Variants in SLC4A11 observed in about 807,000 individuals in gnomAD.
SLC4A11 encodes solute carrier family 4 member 11, also known as bicarbonate transporter related protein 1.
A neutral mutation model predicts 95.0 loss-of-function variants in SLC4A11; 74 were observed. The ratio of observed to expected loss-of-function variants is 0.78; its 90% confidence interval spans 0.65 to 0.95. SLC4A11 has a LOEUF of 0.95. Ranked by LOEUF, SLC4A11 falls within the 40% of genes least tolerant of loss-of-function variation. The pLI is 0.00. For missense variants in SLC4A11, 1,081 were observed against 1,192.4 expected (o/e 0.91, Z 1.38); for synonymous variants, 548 against 519.0 (o/e 1.06, Z -0.76).
At position 3,234,013 on chromosome 20, in the gene SLC4A11, A is replaced by C. The variant is rs1246720673; in HGVS notation, c.524-11T>G. ...CTGACAGCAGGTGGACTGAGGAAAGAGTGAGGGGGAGGGTGGTGGGTCAAC... is the reference window on the plus strand; with the variant it reads ...CTGACAGCAGGTGGACTGAGGAAAGCGTGAGGGGGAGGGTGGTGGGTCAAC... On this transcript the variant is annotated splice_polypyrimidine_tract_variant and intron_variant, in intron 5 of 19. Transcript: ENST00000642402. This position sits in a 1 kb window ranked among gnomAD's most constrained non-coding sequence, Gnocchi z 5.8. 2.5e-6 allele frequency: 4 copies of C among 1,612,702 alleles called. No homozygotes were observed. Among genetic ancestry groups the C allele is most frequent in the Non-Finnish European group, 3.4e-6 (4 of 1,179,352 alleles).
In SLC4A11 at chr20:3,228,853, C is replaced by T. The variant is rs778664349; in HGVS notation, c.2177G>A (p.Gly726Glu). ...TCACACTCACGTGTCATAGATGTGT[C>T]CGTTCTCCACACGCTCCTCCACTAA... The part of the protein sequence containing the change: ...LALVEERVEN[G>E]HIYDTIVNVK... The change falls in exon 17 of 20, where the codon GGA becomes GAA. Residue 726 changes from glycine (G) to glutamate (E), a missense_variant. Transcript: ENST00000642402. The T allele has an allele frequency of 6.2e-7, 1 of 1,613,838 alleles. No homozygotes were observed. Among genetic ancestry groups the T allele is most frequent in the Non-Finnish European group, 8.5e-7 (1 of 1,180,034 alleles).
At chr20:3,239,220 C>A (rs1276426676), upstream of SLC4A11, 17 of 1,317,496 alleles carry the variant, frequency 1.3e-5, no homozygotes, top group South Asian at 2.3e-4. Flanking sequence ...TCGGGCGGGC[C>A]GGCGGCGGGA....
chr20:3,227,920 C>G, intron 19 of SLC4A11, 64 bp from the exon 20 acceptor site: 1 of 1,414,730 alleles, frequency 7.1e-7, no homozygotes, highest in Non-Finnish European at 9.7e-7. Flanking sequence ...ACACCCATCC[C>G]AGCCCACCCC....
In SLC4A11 at chr20:3,227,442, T is replaced by G. The variant is rs1427002214; in HGVS notation, c.*345A>C. Reference sequence around the variant, plus strand: ...TAGGAGCCTAGAAACAGGAGCTTTATTCTCTAATGTGCGTCCAGCAAGTTC... The same window carrying G: ...TAGGAGCCTAGAAACAGGAGCTTTAGTCTCTAATGTGCGTCCAGCAAGTTC... On this transcript the variant is annotated 3_prime_UTR_variant, in exon 20 of 20. Transcript: ENST00000642402. 1 of 332,558 alleles carries G rather than the reference T, an allele frequency of 3.0e-6. No homozygotes were observed. The highest frequency in any genetic ancestry group is 5.8e-6 in the Non-Finnish European group (1 of 172,114). The allele number at this position is 332,558 out of a possible 1,614,324, so 20.6% of individuals were successfully genotyped here. A position where few individuals can be genotyped will look rare whatever the true frequency, so the allele number is the denominator to read the frequency against.
chr20:3,230,960 T>A lies in SLC4A11; in HGVS notation c.1141A>T (p.Asn381Tyr). 6.2e-7 allele frequency: 1 copy of A among 1,613,668 alleles called. No homozygotes were observed. The highest frequency in any genetic ancestry group is 8.5e-7 in the Non-Finnish European group (1 of 1,179,898). Residue 381 changes from asparagine to tyrosine, a missense_variant, in exon 10 of 20, where the codon AAT becomes TAT. By Grantham distance (143) the Asn-to-Tyr change is moderately radical. Coordinates refer to ENST00000642402, the MANE Select transcript of SLC4A11 (RefSeq NM_001174089.2). ...LLPTIAFGSL[N>Y]DENTDGAIDV... ...ATGGCCCCGTCTGTGTTCTCGTCAT[T>A]GAGAGACCCGAAAGCGATGGTGGGC... is the stretch of plus-strand genomic sequence containing the variant.
chr20:3,228,408 G>A lies in SLC4A11; in HGVS notation c.2409C>T (p.His803=). ...TCCTCTGGGGCACCCTCCGGATGTAGTGTGTCGGGGGGTACGCAGTCTGTG... is the reference window on the plus strand; with the variant it reads ...TCCTCTGGGGCACCCTCCGGATGTAATGTGTCGGGGGGTACGCAGTCTGTG... The part of the protein sequence containing the change: ...LKEQTAYPPT[H]YIRRVPQRKI... Residue 803 remains histidine, a synonymous_variant, in exon 19 of 20, where the codon CAC becomes CAT. Transcript: ENST00000642402. 6.2e-7 allele frequency: 1 copy of A among 1,613,326 alleles called. No homozygotes were observed. The highest frequency in any genetic ancestry group is 8.5e-7 in the Non-Finnish European group (1 of 1,179,984).
intron 2 of SLC4A11, 135 bp downstream of exon 2, chr20:3,237,409 C>CAAA: frequency 1.1e-6 from 1 of 945,924 alleles, no homozygotes; most frequent in Non-Finnish European, 1.7e-6. Context: ...GAGTGGAAGC[C>CAAA]AAAAGCATTC....
At chr20:3,228,144 C>CCCCCAA in intron 19 of SLC4A11, 115 bp downstream of exon 19, 4 of 718,214 alleles carry the variant, frequency 5.6e-6, no homozygotes, top group Middle Eastern at 3.8e-4. Context: ...GCACCCACCC[C>CCCCCAA]AACCCGCCCA....
At chr20:3,239,288 C>G (rs1248843675), upstream of SLC4A11, 6 of 1,180,758 alleles carry the variant, frequency 5.1e-6, no homozygotes, top group African/African-American at 4.8e-5. Context: ...ACGCCGCGCC[C>G]GGGCGCGGTA....
In SLC4A11 at chr20:3,234,395, C is replaced by A. The variant is rs960516162; in HGVS notation, c.292-81G>T. 4 of 1,362,870 alleles carry A rather than the reference C, an allele frequency of 2.9e-6. No homozygotes were observed. Among genetic ancestry groups the A allele is most frequent in the Non-Finnish European group, 4.1e-6 (4 of 972,560 alleles). The allele number at this position is 1,362,870 out of a possible 1,614,324, so 84.4% of individuals were successfully genotyped here. ...GCCTGGTCCCTCCCTCCCAGCCAGC[C>A]GCAGCAGTCCAGCCCCCAGCCCCCA... On this transcript the variant is annotated intron_variant, in intron 4 of 19. Transcript: ENST00000642402. This position sits in a 1 kb window ranked among gnomAD's most constrained non-coding sequence, Gnocchi z 5.8.
intron 13 of SLC4A11, 22 bp from the exon 14 acceptor site, chr20:3,229,798 C>G: frequency 6.2e-7 from 1 of 1,613,648 alleles, no homozygotes; most frequent in Non-Finnish European, 8.5e-7. Context: ...CACCCACAGG[C>G]CTCAGCCCTC....
intron 1 of SLC4A11, chr20:3,238,543 C>T (rs909185359): frequency 8.1e-6 from 8 of 993,422 alleles, no homozygotes; most frequent in South Asian, 4.7e-5. Flanking sequence ...AAGGGTCGTA[C>T]AAACCTGGGT....
At chr20:3,228,235 T>C (rs1478741139) in intron 19 of SLC4A11, 24 bp downstream of exon 19, 1 of 1,472,826 alleles carries the variant, frequency 6.8e-7, no homozygotes, top group Non-Finnish European at 9.1e-7. Context: ...GGGCCCCTCC[T>C]GCCCACTGCC....
In SLC4A11 at chr20:3,228,365, C is replaced by T. The variant is rs144586846; in HGVS notation, c.2452G>A (p.Gly818Ser). The T allele has an allele frequency of 2.8e-4, 457 of 1,613,270 alleles. 1 individual carries two copies. Among genetic ancestry groups the T allele is most frequent in the Non-Finnish European group, 3.7e-4 (438 of 1,179,970 alleles). The change falls in exon 19 of 20, where the codon GGC becomes AGC. Residue 818 changes from glycine (G) to serine (S), a missense_variant. Gly to Ser is a moderately conservative substitution (Grantham distance 56). Coordinates refer to ENST00000642402, the MANE Select transcript of SLC4A11 (RefSeq NM_001174089.2). ...AGCAGCAGCTGAAGCACCTGCAGGC[C>T]CGTGAAGTAGTGGATCTTCCTCTGG... ...VPQRKIHYFT[G>S]LQVLQLLLLC...
rs1182317816 is a variant in SLC4A11, at chr20:3,237,936, T to G, written c.44-348A>C. On this transcript the variant is annotated intron_variant, in intron 1 of 19. Transcript: ENST00000642402. ...TTTTCCTGAGAAAACCCTGCCCCGCTGCAGCGAGAGGAAGGGACCGGGCCC... is the reference window on the plus strand; with the variant it reads ...TTTTCCTGAGAAAACCCTGCCCCGCGGCAGCGAGAGGAAGGGACCGGGCCC... 6 of 1,550,624 alleles carry G rather than the reference T, an allele frequency of 3.9e-6. No homozygotes were observed. In the Admixed American group the frequency reaches 1.2e-4, roughly 30 times the overall value.
At position 3,234,389 on chromosome 20, in the gene SLC4A11, GCCAGCCGCAGCAGT is replaced by G; in HGVS notation, c.292-89_292-76del. On this transcript the variant is annotated intron_variant, in intron 4 of 19. Coordinates refer to ENST00000642402, the MANE Select transcript of SLC4A11 (RefSeq NM_001174089.2). This position sits in a 1 kb window ranked among gnomAD's most constrained non-coding sequence, Gnocchi z 5.8. ...GTCACTGCCTGGTCCCTCCCTCCCA[GCCAGCCGCAGCAGT>G]CCAGCCCCCAGCCCCCAGCCCCCAG... The G allele has an allele frequency of 6.6e-7, 1 of 1,525,870 alleles. No homozygotes were observed. Among genetic ancestry groups the G allele is most frequent in the Non-Finnish European group, 9.0e-7 (1 of 1,109,908 alleles). 94.5% of individuals were successfully genotyped at this position (1,525,870 alleles called of 1,614,324 possible).
chr20:3,228,550 G>A lies in SLC4A11; in HGVS notation c.2350C>T (p.Gln784Ter), dbSNP rs1335324642. Residue 784 changes from glutamine (Q) to a stop codon, truncating the protein, a stop_gained, in exon 18 of 20, where the codon CAG becomes TAG. Transcript: ENST00000642402. LOFTEE classifies it high-confidence loss of function. ...YIALTSLDGN[Q>*]LVQRVALLLK... ...AGCAGGGCCACGCGCTGGACGAGCT[G>A]GTTGCCATCGAGGGAGGTGAGCGCG... The A allele has an allele frequency of 1.9e-6, 3 of 1,613,088 alleles. No individual in the cohort carries two copies. The highest frequency in any genetic ancestry group is 1.3e-5 in the African/African-American group (1 of 74,936).
At position 3,231,519 on chromosome 20, in the gene SLC4A11, C is replaced by A. The variant is rs1421228140; in HGVS notation, c.759G>T (p.Ala253=). 2 of 1,613,936 alleles carry A rather than the reference C, an allele frequency of 1.2e-6. No homozygotes were observed. Among genetic ancestry groups the A allele is most frequent in the Non-Finnish European group, 1.7e-6 (2 of 1,180,024 alleles). The part of the protein sequence containing the change: ...MKSTKTAMEV[A]RTFATMFSDI... The stretch of plus-strand genomic sequence containing the variant: ...CCGAGAACATGGTGGCAAACGTGCG[C>A]GCCACCTCCATCGCAGTCTTAGTGC... The change falls in exon 8 of 20, where the codon GCG becomes GCT. Residue 253 remains alanine (A), a synonymous_variant. Coordinates refer to ENST00000642402, the MANE Select transcript of SLC4A11 (RefSeq NM_001174089.2). This position sits in a 1 kb window ranked among gnomAD's most constrained non-coding sequence, Gnocchi z 5.2.
At chr20:3,233,850 A>C in intron 6 of SLC4A11, 71 bp downstream of exon 6, 1 of 1,572,578 alleles carries the variant, frequency 6.4e-7, no homozygotes, top group Non-Finnish European at 8.7e-7. Context: ...TGGCCTCTGC[A>C]GGGCACAGGG....
Sources: allele counts gnomAD v4.1 joint callset, GRCh38; gene constraint gnomAD v4.1.1; non-coding constraint Gnocchi (gnomAD v3.1); transcripts MANE v1.5; gene names NCBI Gene and HGNC (gene_info 2026-07-23, HGNC 2026-07-21).